The following TENM2 variants were observed in gnomAD, a reference collection of about 807,000 sequenced individuals.
The protein encoded by TENM2 is teneurin transmembrane protein 2.
Under a neutral mutation model 245.2 loss-of-function variants are expected in TENM2, and 52 were observed. The ratio of observed to expected loss-of-function variants is 0.21; its 90% CI spans 0.17 to 0.27. The LOEUF (loss-of-function observed/expected upper bound fraction) is 0.27. Ranked by LOEUF, TENM2 falls within the 10% of genes least tolerant of loss-of-function variation. The pLI, the probability that TENM2 is intolerant of heterozygous loss-of-function variation, is 1.00. For missense variants in TENM2, 3,046 were observed against 3,666.8 expected, an observed-to-expected ratio of 0.83 and a Z score of 4.37; for synonymous variants, 1,363 against 1,438.9, an observed-to-expected ratio of 0.95 and a Z score of 1.19.
At chr5:167,947,656 C>G (rs762250113) in intron 3 of TENM2, among the ~76,000 whole-genome samples, 3 of 152,192 alleles carry the variant, frequency 2.0e-5, no homozygotes, top group Non-Finnish European at 4.4e-5. Context: ...ATTCTCAAGT[C>G]TCTGCCAACA....
chr5:167,669,663 A>G (rs111367214), intron 2 of TENM2, among the ~76,000 whole-genome samples: 1 of 151,874 alleles, frequency 6.6e-6, no homozygotes, highest in African/African-American at 2.4e-5. Flanking sequence ...TTCACCTCCA[A>G]CTCCAAATTA....
chr5:167,846,154 C>T (rs1770020198), intron 2 of TENM2, among the ~76,000 whole-genome samples: 1 of 152,198 alleles, frequency 6.6e-6, no homozygotes. Flanking sequence ...AATGCAGCCA[C>T]CTATTTACAT....
At chr5:168,154,619 C>T (rs914655276) in intron 12 of TENM2, among the ~76,000 whole-genome samples, 3 of 152,218 alleles carry the variant, frequency 2.0e-5, no homozygotes, top group African/African-American at 7.2e-5. Context: ...TACTGCCTTC[C>T]TTGTCCCATG....
At chr5:167,574,458 A>C (rs920782731) in intron 2 of TENM2, among the ~76,000 whole-genome samples, 1 of 152,076 alleles carries the variant, frequency 6.6e-6, no homozygotes, top group Non-Finnish European at 1.5e-5. Flanking sequence ...TTTTCACTGG[A>C]GGTTTTAGCA....
chr5:167,392,408 G>A (rs1379014589), intron 2 of TENM2, among the ~76,000 whole-genome samples: 2 of 152,142 alleles, frequency 1.3e-5, no homozygotes, highest in African/African-American at 4.8e-5. Flanking sequence ...CCCAGTGCAG[G>A]TCTGCATGAT....
intron 2 of TENM2, among the ~76,000 whole-genome samples, chr5:167,533,809 C>G (rs576466897): frequency 6.6e-6 from 1 of 151,956 alleles, no homozygotes; most frequent in South Asian, 2.1e-4. Context: ...GGGGATGCAA[C>G]AGAAATGGAA....
chr5:167,202,725 C>A, the TENM2 span, among the ~76,000 whole-genome samples: 5,522 of 152,202 alleles, frequency 0.036, 344 homozygotes, highest in African/African-American at 0.13. Flanking sequence ...CAGGACATCT[C>A]TAAACTATAA....
intron 4 of TENM2, among the ~76,000 whole-genome samples, chr5:167,974,982 G>C (rs1018579740): frequency 1.1e-4 from 17 of 152,212 alleles, no homozygotes; most frequent in Non-Finnish European, 2.1e-4. Context: ...CCCAGTTCAA[G>C]TCCAAGCCTT....
At chr5:168,127,336 C>T (rs765084564) in intron 12 of TENM2, among the ~76,000 whole-genome samples, 2 of 152,184 alleles carry the variant, frequency 1.3e-5, no homozygotes, top group Admixed American at 1.3e-4. Flanking sequence ...ATCACTGGAT[C>T]CCTGCTTGCT....
intron 3 of TENM2, among the ~76,000 whole-genome samples, chr5:167,894,858 C>T (rs1349541647): frequency 6.6e-6 from 1 of 151,016 alleles, no homozygotes; most frequent in Non-Finnish European, 1.5e-5. Flanking sequence ...GAAAATGTTT[C>T]TTTTGTTTTA....
chr5:167,604,279 A>G (rs1427356181), intron 2 of TENM2, among the ~76,000 whole-genome samples: 1 of 152,210 alleles, frequency 6.6e-6, no homozygotes, highest in Non-Finnish European at 1.5e-5. Context: ...CTCTGCAATG[A>G]AAACTGCAGC....
the TENM2 span, among the ~76,000 whole-genome samples, chr5:166,991,623 T>A: frequency 6.6e-6 from 1 of 152,296 alleles, no homozygotes; most frequent in Non-Finnish European, 1.5e-5. Context: ...TGTTTCTTTT[T>A]CTTTAGTTGT....
chr5:168,145,334 A>G lies in TENM2; in HGVS notation c.2423-17277A>G, dbSNP rs1297766915. 6.3e-5 allele frequency among the ~76,000 whole-genome samples: 9 copies of G among 142,246 alleles called. No individual in the cohort carries two copies. The East Asian group carries it at 1.8e-3, about 29-fold the overall frequency. The allele number at this position is 142,246 out of a possible 152,430, so 93.3% of individuals were successfully genotyped here. A position where few individuals can be genotyped will look rare whatever the true frequency, so the allele number is the denominator to read the frequency against. ...TTTAGATCTAACGTTTAAGTCTTTA[A>G]TCCATCTTGAATTGATTTTTGTATA... On this transcript the variant is annotated intron_variant, in intron 12 of 28. Transcript: ENST00000518659.
chr5:168,244,838 C>G lies in TENM2; in HGVS notation c.5817+122C>G. ...AGGCTGGAGTGCAGTGGCATGATCT[C>G]GGCTCACTGCAACCTCTGCCTCCCA... On this transcript the variant is annotated intron_variant, in intron 26 of 28. Coordinates refer to ENST00000518659, the Ensembl canonical transcript of TENM2. The surrounding 1 kb of genome is among the most constrained non-coding windows in gnomAD (Gnocchi z 4.9). 5.4e-6 allele frequency: 4 copies of G among 742,564 alleles called. No individual in the cohort carries two copies. The highest frequency in any genetic ancestry group is 7.5e-6 in the Non-Finnish European group (4 of 533,004). The allele number at this position is 742,564 out of a possible 1,614,324, so 46.0% of individuals were successfully genotyped here.
intron 2 of TENM2, among the ~76,000 whole-genome samples, chr5:167,556,632 G>C (rs1035035045): frequency 1.3e-5 from 2 of 152,128 alleles, no homozygotes; most frequent in African/African-American, 4.8e-5. Context: ...ACAGCTTAGA[G>C]AGATAGTTCT....
chr5:168,232,358 C>CA (rs1218852291), intron 25 of TENM2: 2 of 152,222 alleles, frequency 1.3e-5, no homozygotes, highest in East Asian at 3.9e-4. Flanking sequence ...GGTGGCCGTC[C>CA]ACGCTTTGTG....
intron 2 of TENM2, among the ~76,000 whole-genome samples, chr5:167,436,698 C>T (rs559640183): frequency 8.5e-5 from 13 of 152,192 alleles, no homozygotes; most frequent in Admixed American, 7.2e-4. Flanking sequence ...CCCAGGGTTC[C>T]CGTGCTGTGT....
At chr5:167,173,547 T>C in the TENM2 span, among the ~76,000 whole-genome samples, 4 of 152,166 alleles carry the variant, frequency 2.6e-5, no homozygotes, top group African/African-American at 9.7e-5. Context: ...GCAAAGATGA[T>C]TTTTATGACC....
At chr5:168,199,139 G>A in intron 16 of TENM2, 25 bp downstream of exon 18, 1 of 1,596,438 alleles carries the variant, frequency 6.3e-7, no homozygotes, top group Non-Finnish European at 8.6e-7. Flanking sequence ...GCCAGGGCGG[G>A]ACTCTCAGGA....
Sources: gnomAD v4.1 joint callset for allele counts (sites outside exome capture counted in the v4.1 genomes callset) on GRCh38, gnomAD v4.1.1 for gene constraint, Gnocchi (gnomAD v3.1) non-coding constraint, MANE v1.5 for transcripts, NCBI Gene and HGNC (gene_info 2026-07-23, HGNC 2026-07-21) for gene names.